ARHGAP32: variants seen among roughly 807,000 people sequenced by gnomAD.
ARHGAP32 encodes Rho GTPase activating protein 32.
In ARHGAP32, 51 loss-of-function variants were observed where a neutral mutation model predicts 186.5. The observed-to-expected ratio is 0.27, with a 90% CI of 0.22 to 0.35. The LOEUF (loss-of-function observed/expected upper bound fraction) is 0.35. ARHGAP32 is among the 10% of genes least tolerant of loss of function. The pLI, the probability that ARHGAP32 is intolerant of heterozygous loss-of-function variation, is 1.00. For missense variants in ARHGAP32, 2,186 were observed against 2,623.5 expected (o/e 0.83, Z 3.64); for synonymous variants, 950 against 964.3 (o/e 0.99, Z 0.27).
chr11:129,013,008 C>G (rs1938158765), intron 11 of ARHGAP32, among the ~76,000 whole-genome samples: 1 of 152,176 alleles, frequency 6.6e-6, no homozygotes, highest in Non-Finnish European at 1.5e-5. Flanking sequence ...ACTGGACTTC[C>G]CAGGACATTA....
upstream of ARHGAP32, among the ~76,000 whole-genome samples, chr11:129,193,575 T>TAATATATTATATAATATATATTATATATA (rs368694693): frequency 7.4e-4 from 40 of 53,982 alleles, 1 homozygote; most frequent in Non-Finnish European, 1.0e-3. Context: ...ATATAATATA[T>TAATATATTATATAATATATATTATATATA]ATATATTATA....
Position 129,198,290 on chromosome 11 carries a change from T to C in ARHGAP32, c.-4-33863A>G, listed in dbSNP as rs373644222. On this transcript the variant is annotated intron_variant, in intron 1 of 6. Coordinates refer to the ARHGAP32 transcript ENST00000525234. ...AGAAAAAATAGAAATGGAGGTACTGTATTTTGAAGTCAAACAAGCTCAGAC... is the reference window on the plus strand; with the variant it reads ...AGAAAAAATAGAAATGGAGGTACTGCATTTTGAAGTCAAACAAGCTCAGAC... Among the ~76,000 whole-genome samples, 1,207 of 152,356 alleles carry C rather than the reference T, an allele frequency of 7.9e-3. 8 individuals carry two copies. The highest frequency in any genetic ancestry group is 0.031 in the South Asian group (148 of 4,828).
rs1201354001 is a variant in ARHGAP32, at chr11:129,123,473, A to G, written c.417T>C (p.Tyr139=). ...GTATGCTGCCGAACTCAACATTCTCATAATGGAAATGCGCACATTCAGCCA... is the reference window on the plus strand; with the variant it reads ...GTATGCTGCCGAACTCAACATTCTCGTAATGGAAATGCGCACATTCAGCCA... ...PKMAECAHFH[Y]ENVEFGSIQL... The change falls in exon 5 of 23, where the codon TAT becomes TAC. Residue 139 remains tyrosine (Y), a synonymous_variant. Coordinates refer to ENST00000682385, the MANE Select transcript of ARHGAP32 (RefSeq NM_001378024.1). This position sits in a 1 kb window ranked among gnomAD's most constrained non-coding sequence, Gnocchi z 4.6. 1 of 1,612,742 alleles carries G rather than the reference A, an allele frequency of 6.2e-7. No homozygotes were observed. The highest frequency in any genetic ancestry group is 1.3e-5 in the African/African-American group (1 of 75,012).
intron 1 of ARHGAP32, among the ~76,000 whole-genome samples, chr11:129,219,638 C>G (rs1161118998): frequency 6.6e-6 from 1 of 151,994 alleles, no homozygotes; most frequent in African/African-American, 2.4e-5. Context: ...AGAAATATTT[C>G]TACAGTAATT....
Position 128,974,608 on chromosome 11 carries a change from T to A in ARHGAP32, c.2589A>T (p.Thr863=). 6.2e-7 allele frequency: 1 copy of A among 1,614,244 alleles called. No individual in the cohort carries two copies. Among genetic ancestry groups the A allele is most frequent in the Non-Finnish European group, 8.5e-7 (1 of 1,180,044 alleles). Residue 863 remains threonine, a synonymous_variant, in exon 21 of 23, where the codon ACA becomes ACT. Coordinates refer to ENST00000682385, the MANE Select transcript of ARHGAP32 (RefSeq NM_001378024.1). The part of the protein sequence containing the change: ...GSSQCQTPGS[T]ASSEPVSPLQ... ...GAGGAGAGACAGGTTCAGAGCTTGCTGTGCTTCCTGGAGTCTGACATTGGC... is the reference window on the plus strand; with the variant it reads ...GAGGAGAGACAGGTTCAGAGCTTGCAGTGCTTCCTGGAGTCTGACATTGGC...
At chr11:129,244,490 G>A (rs963382021) in intron 1 of ARHGAP32, among the ~76,000 whole-genome samples, 2 of 152,050 alleles carry the variant, frequency 1.3e-5, no homozygotes, top group Admixed American at 6.6e-5. Flanking sequence ...AATAATGTAC[G>A]AAGGTAGAAG....
chr11:129,032,484 T>C (rs1284753756), intron 11 of ARHGAP32, among the ~76,000 whole-genome samples: 2 of 152,236 alleles, frequency 1.3e-5, no homozygotes, highest in Non-Finnish European at 2.9e-5. Flanking sequence ...TGCAGTTACG[T>C]ACATAGCCTT....
intron 12 of ARHGAP32, among the ~76,000 whole-genome samples, chr11:128,992,517 C>T (rs1946087423): frequency 6.6e-6 from 1 of 152,034 alleles, no homozygotes; most frequent in South Asian, 2.1e-4. Context: ...TGGCTCATGC[C>T]TGCAATCCCA....
chr11:129,040,076 G>A (rs536779409), intron 11 of ARHGAP32, among the ~76,000 whole-genome samples: 2 of 152,030 alleles, frequency 1.3e-5, no homozygotes, highest in Admixed American at 1.3e-4. Flanking sequence ...TTGGATGTAA[G>A]CTTTGGGAGC....
intron 6 of ARHGAP32, among the ~76,000 whole-genome samples, chr11:129,072,018 G>T: frequency 6.6e-6 from 1 of 152,160 alleles, no homozygotes; most frequent in East Asian, 1.9e-4. Flanking sequence ...ATTCATAGAA[G>T]CAGAGTTGAA....
At chr11:129,206,359 G>A (rs1332207098) in intron 1 of ARHGAP32, among the ~76,000 whole-genome samples, 1 of 152,082 alleles carries the variant, frequency 6.6e-6, no homozygotes, top group Admixed American at 6.6e-5. Context: ...CTACAGGAAT[G>A]TGCCACCATG....
chr11:129,169,914 C>G (rs971618505), intron 1 of ARHGAP32, among the ~76,000 whole-genome samples: 1 of 151,950 alleles, frequency 6.6e-6, no homozygotes, highest in African/African-American at 2.4e-5. Flanking sequence ...ATAAAAGGAA[C>G]ACTTCCCAAT....
At chr11:129,224,376 C>CTTT (rs1944752068) in intron 1 of ARHGAP32, among the ~76,000 whole-genome samples, 1 of 152,088 alleles carries the variant, frequency 6.6e-6, no homozygotes, top group East Asian at 1.9e-4. Flanking sequence ...AAGTAACAGC[C>CTTT]ATAAGAATTA....
At chr11:129,253,947 T>C (rs1336118213) in intron 1 of ARHGAP32, among the ~76,000 whole-genome samples, 3 of 152,120 alleles carry the variant, frequency 2.0e-5, no homozygotes, top group Non-Finnish European at 4.4e-5. Context: ...AAAAGTCGGG[T>C]TGGTTAGTTA....
chr11:129,157,955 A>G (rs1943448305), intron 2 of ARHGAP32, among the ~76,000 whole-genome samples: 1 of 152,196 alleles, frequency 6.6e-6, no homozygotes, highest in Non-Finnish European at 1.5e-5. Context: ...TCAACCCAGA[A>G]TTTCATATCC....
intron 1 of ARHGAP32, among the ~76,000 whole-genome samples, chr11:129,256,940 T>C (rs748679423): frequency 6.6e-6 from 1 of 152,128 alleles, no homozygotes; most frequent in Non-Finnish European, 1.5e-5. Context: ...CTGCTACAGC[T>C]TGTCATCATG....
intron 5 of ARHGAP32, among the ~76,000 whole-genome samples, chr11:129,118,633 C>T (rs674207): frequency 0.71 from 107,719 of 151,934 alleles, 38,507 homozygotes; most frequent in South Asian, 0.82. Context: ...GTAAAGATGG[C>T]AAAGATTAAG....
intron 12 of ARHGAP32, among the ~76,000 whole-genome samples, chr11:128,997,578 T>C (rs1946234539): frequency 1.3e-5 from 2 of 152,204 alleles, no homozygotes; most frequent in Non-Finnish European, 2.9e-5. Flanking sequence ...AAAGAGATGC[T>C]AGAGGAAAGT....
intron 1 of ARHGAP32, among the ~76,000 whole-genome samples, chr11:129,241,323 T>C (rs924139843): frequency 6.6e-6 from 1 of 152,184 alleles, no homozygotes; most frequent in African/African-American, 2.4e-5. Context: ...CATCAAGTGT[T>C]ATAATAGCCA....
Sources: gnomAD v4.1 joint callset for allele counts (sites outside exome capture counted in the v4.1 genomes callset) on GRCh38, gnomAD v4.1.1 for gene constraint, Gnocchi (gnomAD v3.1) non-coding constraint, MANE v1.5 for transcripts, NCBI Gene and HGNC (gene_info 2026-07-23, HGNC 2026-07-21) for gene names.